ZBTB37: variants seen among roughly 807,000 people sequenced by gnomAD.
The protein encoded by ZBTB37 is zinc finger and BTB domain-containing protein 37.
In ZBTB37, 15 loss-of-function variants were observed where a neutral mutation model predicts 37.7. The ratio of observed to expected loss-of-function variants is 0.40; its 90% CI spans 0.27 to 0.61. ZBTB37 has a LOEUF of 0.61. ZBTB37 is among the 20% of genes least tolerant of loss of function. The pLI is 0.44. For synonymous variants in ZBTB37, 231 were observed against 220.6 expected (o/e 1.05, Z -0.42); for missense variants, 514 against 641.9 (o/e 0.80, Z 2.15).
chr1:173,891,821 G>A (rs1290452765), exon 4 of ZBTB37: 1 of 152,142 alleles, frequency 6.6e-6, no homozygotes, highest in Admixed American at 6.6e-5. Flanking sequence ...AAATGATATA[G>A]GGACTTTTGA....
chr1:173,888,529 G>A (rs992848308), downstream of ZBTB37: 1 of 152,140 alleles, frequency 6.6e-6, no homozygotes, highest in Non-Finnish European at 1.5e-5. Context: ...CTAGGCTCAA[G>A]TGATTGACCT....
At chr1:173,870,786 A>G (rs1218169651) in exon 3 of ZBTB37, 1 of 1,614,128 alleles carries the variant, frequency 6.2e-7, no homozygotes, top group Non-Finnish European at 8.5e-7. Context: ...TCAGAGAGCT[A>G]AGTCCTCCTG....
chr1:173,878,086 T>C (rs1404573847), intron 4 of ZBTB37, among the ~76,000 whole-genome samples: 1 of 152,206 alleles, frequency 6.6e-6, no homozygotes, highest in Non-Finnish European at 1.5e-5. Context: ...TTAAACTATT[T>C]CTCTTTCTGC....
intron 4 of ZBTB37, among the ~76,000 whole-genome samples, chr1:173,874,322 AATC>A (rs1401822601): frequency 1.3e-5 from 2 of 151,776 alleles, no homozygotes; most frequent in African/African-American, 4.9e-5. Flanking sequence ...CTATCTAAAA[AATC>A]TATAGAAAAC....
At chr1:173,891,049 AC>A (rs1656822453), downstream of ZBTB37, 1 of 151,868 alleles carries the variant, frequency 6.6e-6, no homozygotes, top group Non-Finnish European at 1.5e-5. Flanking sequence ...TCTTATCATA[AC>A]TCTTTTTGTG....
chr1:173,870,807 C>T, exon 3 of ZBTB37: 1 of 1,614,224 alleles, frequency 6.2e-7, no homozygotes, highest in Non-Finnish European at 8.5e-7. Flanking sequence ...AGGAGTCCAC[C>T]AGCCCTCAGA....
At chr1:173,870,117 A>G (rs946684464) in intron 2 of ZBTB37, 83 bp from the exon 3 acceptor site, 6 of 905,198 alleles carry the variant, frequency 6.6e-6, no homozygotes, top group Non-Finnish European at 9.6e-6. Context: ...CCAGATAACT[A>G]TGTTTAAATA....
At chr1:173,888,428 CT>C (rs2102754511), downstream of ZBTB37, 1 of 152,040 alleles carries the variant, frequency 6.6e-6, no homozygotes, top group African/African-American at 2.4e-5. Flanking sequence ...TCTTTTTCTT[CT>C]TTTTTATATT....
At chr1:173,883,524 A>C (rs1015310277) in intron 4 of ZBTB37, among the ~76,000 whole-genome samples, 1 of 152,184 alleles carries the variant, frequency 6.6e-6, no homozygotes, top group African/African-American at 2.4e-5. Context: ...AGAATCCTCT[A>C]AAGCTGGCAA....
At chr1:173,885,724 C>G (rs1054431073) in exon 5 of ZBTB37, 1 of 1,551,710 alleles carries the variant, frequency 6.4e-7, no homozygotes, top group Admixed American at 2.0e-5. Context: ...CGGTACAACC[C>G]TCGTCTCACC....
At chr1:173,892,043 C>A (rs983888853) in exon 4 of ZBTB37, 5 of 152,106 alleles carry the variant, frequency 3.3e-5, no homozygotes, top group African/African-American at 1.2e-4. Context: ...ATAGATAATC[C>A]TCATCTATAA....
intron 4 of ZBTB37, 127 bp downstream of exon 4, chr1:173,873,693 T>G: frequency 7.1e-7 from 1 of 1,412,654 alleles, no homozygotes. Flanking sequence ...AATACTGTAT[T>G]TTTTTTCCCT....
At chr1:173,885,523 C>G (rs1656574366) in intron 4 of ZBTB37, 113 bp from the exon 5 acceptor site, 3 of 907,772 alleles carry the variant, frequency 3.3e-6, no homozygotes, top group Non-Finnish European at 4.9e-6. Context: ...GTTTGATCCG[C>G]CACTAAAAAG....
At chr1:173,902,325 G>T (rs1657294346) in exon 4 of ZBTB37, 1 of 152,194 alleles carries the variant, frequency 6.6e-6, no homozygotes, top group Non-Finnish European at 1.5e-5. Context: ...GCTAATCAAG[G>T]AGGATTCATA....
chr1:173,896,793 C>T (rs922126791), exon 4 of ZBTB37: 2 of 152,120 alleles, frequency 1.3e-5, no homozygotes, highest in Non-Finnish European at 2.9e-5. Flanking sequence ...AGAATCCTAA[C>T]TATAGTGGTT....
At chr1:173,877,025 A>ATTT (rs1447780444) in intron 4 of ZBTB37, among the ~76,000 whole-genome samples, 1 of 152,210 alleles carries the variant, frequency 6.6e-6, no homozygotes. Context: ...TTACAAAGTA[A>ATTT]ATATTTGTGT....
intron 4 of ZBTB37, among the ~76,000 whole-genome samples, chr1:173,880,615 A>G (rs1238848857): frequency 6.6e-6 from 1 of 152,258 alleles, no homozygotes; most frequent in Non-Finnish European, 1.5e-5. Context: ...TTACAGTCTA[A>G]TAGGTAATTG....
At chr1:173,887,350 GC>G (rs1656666621), downstream of ZBTB37, 1 of 152,130 alleles carries the variant, frequency 6.6e-6, no homozygotes, top group South Asian at 2.1e-4. Flanking sequence ...GCAAACCATA[GC>G]TGGTGACTCC....
At chr1:173,880,736 T>C (rs763729773) in intron 4 of ZBTB37, among the ~76,000 whole-genome samples, 2 of 152,238 alleles carry the variant, frequency 1.3e-5, no homozygotes, top group Non-Finnish European at 2.9e-5. Context: ...CTACAAAAAG[T>C]ATATTGCTGC....
Sources: gnomAD v4.1 joint callset for allele counts (sites outside exome capture counted in the v4.1 genomes callset) on GRCh38, gnomAD v4.1.1 for gene constraint, MANE v1.5 for transcripts, NCBI Gene and HGNC (gene_info 2026-07-23, HGNC 2026-07-21) for gene names.